ERI1: variants seen among roughly 807,000 people sequenced by gnomAD.
The protein encoded by ERI1 is 3'-5' exoribonuclease 1.
A neutral mutation model predicts 39.7 loss-of-function variants in ERI1; 39 were observed. The observed-to-expected ratio is 0.98, with a 90% confidence interval of 0.76 to 1.28. The LOEUF (loss-of-function observed/expected upper bound fraction) is 1.28. Ranked by LOEUF, ERI1 falls within the 50% of genes most tolerant of loss-of-function variation. The pLI, the probability that ERI1 is intolerant of heterozygous loss-of-function variation, is 0.00. For missense variants in ERI1, 581 were observed against 416.9 expected, an observed-to-expected ratio of 1.39 and a Z score of -3.43; for synonymous variants, 204 against 149.6, an observed-to-expected ratio of 1.36 and a Z score of -2.65.
At chr8:9,007,761 C>G (rs1189578624) in intron 1 of ERI1, among the ~76,000 whole-genome samples, 3 of 152,086 alleles carry the variant, frequency 2.0e-5, no homozygotes, top group Admixed American at 6.5e-5. Flanking sequence ...AACCTCATGA[C>G]TCATAATAGA....
intron 6 of ERI1, among the ~76,000 whole-genome samples, chr8:9,024,447 A>C (rs1054755916): frequency 6.6e-5 from 10 of 150,644 alleles, no homozygotes; most frequent in Non-Finnish European, 8.9e-5. Context: ...TCAAGACGGA[A>C]TCTCACTCTG....
intron 3 of ERI1, among the ~76,000 whole-genome samples, chr8:9,012,406 C>G (rs1008355170): frequency 1.3e-5 from 2 of 152,190 alleles, no homozygotes; most frequent in African/African-American, 4.8e-5. Flanking sequence ...CAAGAATATC[C>G]TAACATCTCA....
intron 1 of ERI1, among the ~76,000 whole-genome samples, chr8:9,007,377 CAG>C (rs1285723439): frequency 2.0e-5 from 3 of 152,066 alleles, no homozygotes; most frequent in Admixed American, 6.6e-5. Context: ...AAAAAATTAT[CAG>C]AAGTTATTAC....
intron 3 of ERI1, among the ~76,000 whole-genome samples, chr8:9,061,710 G>T (rs962438400): frequency 1.3e-5 from 2 of 152,108 alleles, no homozygotes; most frequent in Non-Finnish European, 2.9e-5. Context: ...GATCAGCAGG[G>T]AGAGCATGTG....
intron 3 of ERI1, among the ~76,000 whole-genome samples, chr8:9,056,186 G>C (rs1798500293): frequency 6.6e-6 from 1 of 152,252 alleles, no homozygotes; most frequent in African/African-American, 2.4e-5. Context: ...TTGGAGCTGT[G>C]ATCCCCAGCT....
intron 3 of ERI1, among the ~76,000 whole-genome samples, chr8:9,042,665 G>C (rs2117350135): frequency 6.6e-6 from 1 of 152,294 alleles, no homozygotes; most frequent in Non-Finnish European, 1.5e-5. Context: ...CAAAACTGGA[G>C]GGAAGTGTTA....
intron 3 of ERI1, among the ~76,000 whole-genome samples, chr8:9,066,355 C>G (rs937011630): frequency 6.6e-6 from 1 of 152,176 alleles, no homozygotes; most frequent in Non-Finnish European, 1.5e-5. Flanking sequence ...TGTGACACAG[C>G]GGGCTCCCCG....
intron 3 of ERI1, among the ~76,000 whole-genome samples, chr8:9,043,175 A>C (rs2117351529): frequency 6.6e-6 from 1 of 152,304 alleles, no homozygotes; most frequent in South Asian, 2.1e-4. Flanking sequence ...TGTATAATTG[A>C]TGCAAACCAT....
intron 3 of ERI1, among the ~76,000 whole-genome samples, chr8:9,039,476 C>G (rs1797951604): frequency 6.6e-6 from 1 of 152,134 alleles, no homozygotes; most frequent in Non-Finnish European, 1.5e-5. Context: ...TAAAAACCAT[C>G]ACAGAACACC....
chr8:9,034,129 A>G (rs113182969), downstream of ERI1, among the ~76,000 whole-genome samples: 142 of 152,330 alleles, frequency 9.3e-4, no homozygotes, highest in African/African-American at 3.2e-3. Context: ...TTGACTGATG[A>G]AGAGTTGGAA....
intron 6 of ERI1, among the ~76,000 whole-genome samples, chr8:9,026,010 T>C (rs1044041988): frequency 3.3e-5 from 5 of 152,176 alleles, no homozygotes; most frequent in South Asian, 2.1e-4. Flanking sequence ...GCCACTGATA[T>C]GGACAGTCTG....
intron 3 of ERI1, among the ~76,000 whole-genome samples, chr8:9,079,810 A>G (rs930045710): frequency 3.9e-5 from 6 of 152,076 alleles, no homozygotes; most frequent in African/African-American, 1.2e-4. Flanking sequence ...AGCTAAGACT[A>G]TAGGTGCACA....
intron 3 of ERI1, among the ~76,000 whole-genome samples, chr8:9,046,831 G>A (rs973837955): frequency 2.0e-5 from 3 of 152,128 alleles, no homozygotes; most frequent in African/African-American, 7.2e-5. Context: ...GGCCCACATC[G>A]GCCTCCCCTT....
intron 3 of ERI1, among the ~76,000 whole-genome samples, chr8:9,059,608 G>A (rs1434859529): frequency 6.6e-6 from 1 of 152,140 alleles, no homozygotes; most frequent in African/African-American, 2.4e-5. Flanking sequence ...ATAAGACAAG[G>A]AGAAAAACAG....
downstream of ERI1, among the ~76,000 whole-genome samples, chr8:9,033,658 C>A (rs1343686340): frequency 1.3e-5 from 2 of 152,228 alleles, no homozygotes; most frequent in Non-Finnish European, 2.9e-5. Context: ...TGGAGAGAGG[C>A]ATTCTCTGCA....
In ERI1 at chr8:9,030,315, T is replaced by C. The variant is rs1797499213; in HGVS notation, c.*281T>C. On this transcript the variant is annotated 3_prime_UTR_variant, in exon 7 of 7. Transcript: ENST00000250263. ...ATTTAAGGTGTTCAAGATATATTCT[T>C]TTTGGTTTTAAAATGCAAAATCTTA... is the stretch of plus-strand genomic sequence containing the variant. 5.7e-6 allele frequency: 2 copies of C among 353,096 alleles called. No individual in the cohort carries two copies. The highest frequency in any genetic ancestry group is 1.0e-5 in the Non-Finnish European group (2 of 191,854). The allele number at this position is 353,096 out of a possible 1,614,324, so 21.9% of individuals were successfully genotyped here.
At chr8:9,047,253 T>G (rs1261568699) in intron 3 of ERI1, among the ~76,000 whole-genome samples, 1 of 152,180 alleles carries the variant, frequency 6.6e-6, no homozygotes, top group African/African-American at 2.4e-5. Context: ...ACTGGGAGTT[T>G]ATAGCAGTGC....
chr8:9,054,300 C>T (rs1798443620), intron 3 of ERI1, among the ~76,000 whole-genome samples: 1 of 152,232 alleles, frequency 6.6e-6, no homozygotes, highest in Non-Finnish European at 1.5e-5. Flanking sequence ...TATGTACCCA[C>T]TTCGTCCTAT....
intron 3 of ERI1, among the ~76,000 whole-genome samples, chr8:9,084,110 G>C (rs1343771037): frequency 1.3e-5 from 2 of 151,648 alleles, no homozygotes; most frequent in Non-Finnish European, 2.9e-5. Flanking sequence ...TTTTTTTTTA[G>C]ATTTAGCCTG....
Sources: gnomAD v4.1 joint callset for allele counts (sites outside exome capture counted in the v4.1 genomes callset) on GRCh38, gnomAD v4.1.1 for gene constraint, MANE v1.5 for transcripts, NCBI Gene and HGNC (gene_info 2026-07-23, HGNC 2026-07-21) for gene names.